EYA4: variants seen among roughly 807,000 people sequenced by gnomAD.
EYA4 encodes the protein EYA transcriptional coactivator and phosphatase 4, also known as protein phosphatase EYA4.
Under a neutral mutation model 87.9 loss-of-function variants are expected in EYA4, and 31 were observed. That is an observed-to-expected ratio of 0.35 (90% confidence interval 0.27 to 0.48). The LOEUF (loss-of-function observed/expected upper bound fraction) is 0.48. Ranked by LOEUF, EYA4 falls within the 20% of genes least tolerant of loss-of-function variation. EYA4 has a pLI of 0.99. For missense variants in EYA4, 678 were observed against 761.4 expected, an observed-to-expected ratio of 0.89 and a Z score of 1.29; for synonymous variants, 263 against 270.6, an observed-to-expected ratio of 0.97 and a Z score of 0.28.
At position 133,478,571 on chromosome 6, in the gene EYA4, A is replaced by T. The variant is rs192546440; in HGVS notation, c.971-2892A>T. Among the ~76,000 whole-genome samples, 245 of 152,268 alleles carry T rather than the reference A, an allele frequency of 1.6e-3. 1 individual carries two copies. Among genetic ancestry groups the T allele is most frequent in the African/African-American group, 5.6e-3 (234 of 41,558 alleles). On this transcript the variant is annotated intron_variant, in intron 11 of 19. Coordinates refer to ENST00000355286, the MANE Select transcript of EYA4 (RefSeq NM_004100.5). ...AAACACATATATTTCAATAAAAAAA[A>T]TTTTTAAAGAACAGTGCATGACATG...
intron 2 of EYA4, among the ~76,000 whole-genome samples, chr6:133,375,804 A>G (rs1195154364): frequency 6.6e-6 from 1 of 151,870 alleles, no homozygotes; most frequent in Admixed American, 6.6e-5. Flanking sequence ...AGAAAATATG[A>G]AAAATGTCAC....
chr6:133,282,761 T>C (rs552155728), intron 2 of EYA4, among the ~76,000 whole-genome samples: 3 of 152,272 alleles, frequency 2.0e-5, no homozygotes, highest in East Asian at 1.9e-4. Flanking sequence ...TCCGAGCTCA[T>C]TGGAAAAGTA....
intron 14 of EYA4, chr6:133,511,820 AAC>A (rs1394856406): frequency 6.6e-6 from 1 of 152,146 alleles, no homozygotes; most frequent in Non-Finnish European, 1.5e-5. Context: ...AAATACAAAA[AAC>A]ACAAAAAAAT....
chr6:133,351,959 A>G (rs1783673781), intron 2 of EYA4, among the ~76,000 whole-genome samples: 1 of 151,556 alleles, frequency 6.6e-6, no homozygotes, highest in Non-Finnish European at 1.5e-5. Context: ...AGAATTTAAA[A>G]TGGCAAAACT....
At chr6:133,339,160 C>T (rs951231074) in intron 2 of EYA4, among the ~76,000 whole-genome samples, 1 of 152,144 alleles carries the variant, frequency 6.6e-6, no homozygotes, top group South Asian at 2.1e-4. Flanking sequence ...TTTGGATAGC[C>T]TGTATAGGGA....
At chr6:133,249,464 C>A (rs563527138) in intron 1 of EYA4, among the ~76,000 whole-genome samples, 299 of 152,214 alleles carry the variant, frequency 2.0e-3, no homozygotes, top group Middle Eastern at 6.8e-3. Context: ...ACTTAAAATT[C>A]CTTAAAAAAT....
intron 17 of EYA4, among the ~76,000 whole-genome samples, chr6:133,519,328 C>T (rs1247125033): frequency 6.6e-6 from 1 of 151,906 alleles, no homozygotes; most frequent in Non-Finnish European, 1.5e-5. Flanking sequence ...ACCACCAATC[C>T]CACAGAAATA....
At chr6:133,422,170 A>G (rs1190666010) in intron 3 of EYA4, among the ~76,000 whole-genome samples, 1 of 152,196 alleles carries the variant, frequency 6.6e-6, no homozygotes, top group Non-Finnish European at 1.5e-5. Flanking sequence ...GATCGTAAAA[A>G]TAAACACTAC....
At chr6:133,388,037 G>T (rs373549907) in intron 3 of EYA4, among the ~76,000 whole-genome samples, 4 of 152,202 alleles carry the variant, frequency 2.6e-5, no homozygotes, top group East Asian at 3.9e-4. Context: ...GTTCATGGTG[G>T]CATCTGTGCT....
intron 6 of EYA4, among the ~76,000 whole-genome samples, chr6:133,459,235 T>C (rs958578404): frequency 1.3e-5 from 2 of 152,176 alleles, no homozygotes; most frequent in Non-Finnish European, 2.9e-5. Context: ...AATGAACATA[T>C]AGACGTTAAT....
intron 1 of EYA4, among the ~76,000 whole-genome samples, chr6:133,268,149 A>G (rs962254855): frequency 2.0e-5 from 3 of 152,172 alleles, no homozygotes; most frequent in Non-Finnish European, 4.4e-5. Context: ...ATAATAAATT[A>G]TGTTCTCCTA....
chr6:133,241,148 A>G (rs1007228571), upstream of EYA4, among the ~76,000 whole-genome samples: 1 of 151,980 alleles, frequency 6.6e-6, no homozygotes, highest in Admixed American at 6.5e-5. Context: ...GCAAACCATG[A>G]CAATAGGCAG....
chr6:133,337,418 A>C (rs541791397), intron 2 of EYA4, among the ~76,000 whole-genome samples: 1 of 152,190 alleles, frequency 6.6e-6, no homozygotes, highest in African/African-American at 2.4e-5. Flanking sequence ...TTAATGCATG[A>C]CTCGCTGGTT....
chr6:133,348,114 T>C (rs1396957674), intron 2 of EYA4, among the ~76,000 whole-genome samples: 1 of 152,140 alleles, frequency 6.6e-6, no homozygotes, highest in Non-Finnish European at 1.5e-5. Context: ...TTCGTTTGGG[T>C]GATGATTAAG....
chr6:133,512,262 C>T (rs564494570), intron 14 of EYA4, among the ~76,000 whole-genome samples: 2 of 152,180 alleles, frequency 1.3e-5, no homozygotes, highest in South Asian at 4.2e-4. Flanking sequence ...CACAGGACAC[C>T]ATAATCTGAA....
intron 2 of EYA4, among the ~76,000 whole-genome samples, chr6:133,358,702 AGGC>A (rs1248168327): frequency 6.6e-6 from 1 of 152,194 alleles, no homozygotes; most frequent in African/African-American, 2.4e-5. Flanking sequence ...ATTCTGCTCC[AGGC>A]ACTGTGCTAA....
chr6:133,507,350 A>G (rs1193116109), intron 14 of EYA4: 2 of 148,246 alleles, frequency 1.3e-5, no homozygotes, highest in Non-Finnish European at 3.0e-5. Context: ...TGTGAGAAAG[A>G]AAAGCCAAGT....
intron 2 of EYA4, among the ~76,000 whole-genome samples, chr6:133,335,022 T>C (rs1782259229): frequency 6.6e-6 from 1 of 152,230 alleles, no homozygotes; most frequent in African/African-American, 2.4e-5. Context: ...TTTGCTATGG[T>C]ACAATGTGTT....
At chr6:133,455,380 A>G (rs976512433) in intron 5 of EYA4, among the ~76,000 whole-genome samples, 3 of 146,350 alleles carry the variant, frequency 2.0e-5, no homozygotes, top group African/African-American at 8.3e-5. Flanking sequence ...TCCAACATTT[A>G]CATTTCTCCT....
Sources: gnomAD v4.1 joint callset for allele counts (sites outside exome capture counted in the v4.1 genomes callset) on GRCh38, gnomAD v4.1.1 for gene constraint, MANE v1.5 for transcripts, NCBI Gene and HGNC (gene_info 2026-07-23, HGNC 2026-07-21) for gene names.